The following SPRY3 variants were observed in gnomAD, a reference collection of about 807,000 sequenced individuals.
SPRY3 encodes sprouty RTK signaling antagonist 3, also known as protein sprouty homolog 3.
In SPRY3, 15 loss-of-function variants were observed where a neutral mutation model predicts 20.2. The observed-to-expected ratio is 0.74, with a 90% CI of 0.50 to 1.14. The LOEUF (loss-of-function observed/expected upper bound fraction) is 1.14. Among genes scored for constraint, SPRY3 ranks in the 50% most tolerant of loss-of-function variants. The pLI is 0.00. For synonymous variants in SPRY3, 143 were observed against 136.5 expected, an observed-to-expected ratio of 1.05 and a Z score of -0.33; for missense variants, 364 against 363.9, an observed-to-expected ratio of 1.00 and a Z score of 0.00.
At chrX:155,723,429 T>A (rs1176951929) in intron 2 of SPRY3, among the ~76,000 whole-genome samples, 1 of 152,150 alleles carries the variant, frequency 6.6e-6, no homozygotes, top group Non-Finnish European at 1.5e-5. Flanking sequence ...TTTCTCCACA[T>A]CCTCTCCAGC....
intron 2 of SPRY3, among the ~76,000 whole-genome samples, chrX:155,716,493 C>G (rs1311195074): frequency 6.6e-6 from 1 of 152,026 alleles, no homozygotes; most frequent in Non-Finnish European, 1.5e-5. Context: ...TTGCTGTTTT[C>G]CCACACATCT....
intron 2 of SPRY3, among the ~76,000 whole-genome samples, chrX:155,749,773 A>T (rs750306452): frequency 6.6e-6 from 1 of 152,058 alleles, no homozygotes; most frequent in East Asian, 1.9e-4. Context: ...GGAGAAAATT[A>T]TAGGAGAATC....
intron 2 of SPRY3, among the ~76,000 whole-genome samples, chrX:155,737,025 G>A (rs993192466): frequency 1.3e-5 from 2 of 151,882 alleles, no homozygotes; most frequent in Non-Finnish European, 2.9e-5. Context: ...TTTGTTTCTA[G>A]CATTTGCTTA....
intron 1 of SPRY3, among the ~76,000 whole-genome samples, chrX:155,643,689 T>A (rs2067949189): frequency 8.9e-6 from 1 of 112,021 alleles, no homozygotes; most frequent in Non-Finnish European, 1.9e-5. Flanking sequence ...ATCCATTTTT[T>A]AAGCTAATAA....
intron 1 of SPRY3, among the ~76,000 whole-genome samples, chrX:155,622,464 C>T (rs2067874492): frequency 9.0e-6 from 1 of 111,545 alleles, no homozygotes; most frequent in African/African-American, 3.3e-5. Flanking sequence ...CACAGCCAAC[C>T]CCACCTTCAT....
At chrX:155,654,832 G>A (rs1557352836) in intron 1 of SPRY3, among the ~76,000 whole-genome samples, 2 of 110,349 alleles carry the variant, frequency 1.8e-5, no homozygotes, top group African/African-American at 6.6e-5. Context: ...AAACATATAA[G>A]TGCAAGTATC....
intron 2 of SPRY3, among the ~76,000 whole-genome samples, chrX:155,679,906 A>G (rs1234111928): frequency 9.0e-6 from 1 of 110,677 alleles, no homozygotes; most frequent in Admixed American, 9.7e-5. Flanking sequence ...GGGAGCAGGA[A>G]GACATTCAAG....
chrX:155,737,078 T>C (rs1198810851), intron 2 of SPRY3, among the ~76,000 whole-genome samples: 2 of 152,174 alleles, frequency 1.3e-5, no homozygotes, highest in African/African-American at 4.8e-5. Context: ...TATCTGCTTG[T>C]ATTATCTGTC....
intron 2 of SPRY3, among the ~76,000 whole-genome samples, chrX:155,718,857 T>C (rs2091038118): frequency 6.6e-6 from 1 of 151,948 alleles, no homozygotes; most frequent in Non-Finnish European, 1.5e-5. Context: ...GATATAAAAA[T>C]GAAACATGAT....
At chrX:155,659,123 C>CTTTCTTTT (rs1282961555) in intron 2 of SPRY3, among the ~76,000 whole-genome samples, 1 of 98,661 alleles carries the variant, frequency 1.0e-5, no homozygotes, top group Non-Finnish European at 2.0e-5. Context: ...TTCTTTCTTT[C>CTTTCTTTT]TTTCTTTCTT....
downstream of SPRY3, chrX:155,778,726 AC>A (rs2091445097): frequency 6.0e-6 from 1 of 167,054 alleles, no homozygotes; most frequent in African/African-American, 2.4e-5. Flanking sequence ...TGGCCAAAGG[AC>A]CCTTAAAGAA....
intron 2 of SPRY3, among the ~76,000 whole-genome samples, chrX:155,668,803 G>A (rs1557354519): frequency 9.1e-6 from 1 of 110,114 alleles, no homozygotes; most frequent in African/African-American, 3.3e-5. Flanking sequence ...GAATATTCCA[G>A]TCACTATGTT....
chrX:155,748,803 C>T (rs1342986668), intron 2 of SPRY3, among the ~76,000 whole-genome samples: 1 of 151,836 alleles, frequency 6.6e-6, no homozygotes, highest in African/African-American at 2.4e-5. Context: ...ATAGGGCAAT[C>T]AGATTCTGCA....
At chrX:155,751,980 AAAT>A (rs1412050480) in intron 2 of SPRY3, among the ~76,000 whole-genome samples, 4 of 150,232 alleles carry the variant, frequency 2.7e-5, no homozygotes, top group Non-Finnish European at 4.4e-5. Context: ...AAATAAAATA[AAAT>A]AAAGGAAAGG....
At chrX:155,771,316 G>C (rs2091379904) in intron 3 of SPRY3, among the ~76,000 whole-genome samples, 1 of 152,076 alleles carries the variant, frequency 6.6e-6, no homozygotes, top group Non-Finnish European at 1.5e-5. Context: ...TCCCAGATTA[G>C]CTTTCAACCT....
At chrX:155,761,197 T>C (rs1193514873) in intron 2 of SPRY3, among the ~76,000 whole-genome samples, 1 of 152,196 alleles carries the variant, frequency 6.6e-6, no homozygotes, top group Non-Finnish European at 1.5e-5. Flanking sequence ...TTAAATTACC[T>C]ATCCTAATTT....
chrX:155,737,878 G>T (rs187254790), intron 2 of SPRY3, among the ~76,000 whole-genome samples: 2 of 152,218 alleles, frequency 1.3e-5, no homozygotes, highest in South Asian at 2.1e-4. Flanking sequence ...CCTTCAAAAT[G>T]GGGTATGAAT....
chrX:155,735,200 T>C (rs1488141176), intron 2 of SPRY3, among the ~76,000 whole-genome samples: 7 of 152,022 alleles, frequency 4.6e-5, no homozygotes, highest in Admixed American at 3.9e-4. Flanking sequence ...AATTCCAATA[T>C]GGTCTAAGAG....
At chrX:155,717,124 A>G (rs1231383202) in intron 2 of SPRY3, among the ~76,000 whole-genome samples, 2 of 146,310 alleles carry the variant, frequency 1.4e-5, no homozygotes, top group Non-Finnish European at 3.0e-5. Flanking sequence ...ACACCACTGC[A>G]CTCCAGCCTG....
Sources: allele counts gnomAD v4.1 joint callset (sites outside exome capture counted in the v4.1 genomes callset), GRCh38; gene constraint gnomAD v4.1.1; transcripts MANE v1.5; gene names NCBI Gene and HGNC (gene_info 2026-07-23, HGNC 2026-07-21).